The following TACR3 variants were observed in gnomAD, a reference collection of about 807,000 sequenced individuals.
The protein encoded by TACR3 is neuromedin-K receptor.
A neutral mutation model predicts 35.0 loss-of-function variants in TACR3; 34 were observed. That is an observed-to-expected ratio of 0.97 (90% CI 0.74 to 1.30). TACR3 has a LOEUF of 1.30. TACR3 is among the 50% of genes most tolerant of loss of function. The pLI, the probability that TACR3 is intolerant of heterozygous loss-of-function variation, is 0.00. For missense variants in TACR3, 558 were observed against 591.7 expected (o/e 0.94, Z 0.59); for synonymous variants, 233 against 221.1 (o/e 1.05, Z -0.48).
intron 1 of TACR3, among the ~76,000 whole-genome samples, chr4:103,687,841 C>T (rs1722285040): frequency 6.6e-6 from 1 of 152,074 alleles, no homozygotes; most frequent in African/African-American, 2.4e-5. Flanking sequence ...TTTATAGATT[C>T]AATGCCATCC....
intron 1 of TACR3, among the ~76,000 whole-genome samples, chr4:103,658,774 T>C (rs552367314): frequency 7.2e-5 from 11 of 152,302 alleles, no homozygotes; most frequent in South Asian, 2.1e-4. Flanking sequence ...TTTTTTTCCA[T>C]GGACTGGCAG....
intron 3 of TACR3, among the ~76,000 whole-genome samples, chr4:103,615,061 A>T (rs909960978): frequency 5.3e-5 from 8 of 151,246 alleles, no homozygotes; most frequent in Admixed American, 2.6e-4. Flanking sequence ...CGCCTGGCTA[A>T]TTTTTTTGTA....
At chr4:103,688,343 G>A (rs181605346) in intron 1 of TACR3, among the ~76,000 whole-genome samples, 90 of 152,238 alleles carry the variant, frequency 5.9e-4, no homozygotes, top group Non-Finnish European at 9.6e-4. Context: ...CATGGGCAAG[G>A]ACTTCATGTC....
chr4:103,664,873 G>A (rs1280177195), intron 1 of TACR3, among the ~76,000 whole-genome samples: 1 of 152,054 alleles, frequency 6.6e-6, no homozygotes, highest in Non-Finnish European at 1.5e-5. Flanking sequence ...GTGCAGAGGT[G>A]TGATCACAGC....
intron 1 of TACR3, among the ~76,000 whole-genome samples, chr4:103,697,231 T>C (rs1722539922): frequency 6.6e-6 from 1 of 152,170 alleles, no homozygotes; most frequent in Non-Finnish European, 1.5e-5. Flanking sequence ...TGATTGCTCA[T>C]TGATTATGAT....
chr4:103,703,880 C>T (rs1161603280), intron 1 of TACR3, among the ~76,000 whole-genome samples: 2 of 151,712 alleles, frequency 1.3e-5, no homozygotes, highest in Non-Finnish European at 2.9e-5. Context: ...GTGGGCGGAT[C>T]ACGAGGTCAG....
chr4:103,665,983 T>G (rs1216220524), intron 1 of TACR3, among the ~76,000 whole-genome samples: 1 of 152,182 alleles, frequency 6.6e-6, no homozygotes, highest in Non-Finnish European at 1.5e-5. Flanking sequence ...GTTCTTTTTG[T>G]AATGTTCACC....
intron 1 of TACR3, among the ~76,000 whole-genome samples, chr4:103,682,195 AG>A (rs1722115498): frequency 1.3e-5 from 2 of 152,094 alleles, no homozygotes; most frequent in African/African-American, 4.8e-5. Context: ...TGCATTGTGC[AG>A]TCATGGCTTA....
At chr4:103,670,030 A>G (rs75054878) in intron 1 of TACR3, among the ~76,000 whole-genome samples, 4,508 of 152,128 alleles carry the variant, frequency 0.03, 238 homozygotes, top group African/African-American at 0.1. Flanking sequence ...ATTCTTCTCC[A>G]TAATGGATAT....
At chr4:103,643,747 C>T (rs1048143942) in intron 3 of TACR3, among the ~76,000 whole-genome samples, 5 of 151,430 alleles carry the variant, frequency 3.3e-5, no homozygotes, top group Non-Finnish European at 7.4e-5. Context: ...GTGTGTGTGC[C>T]TGTGTGTATG....
At chr4:103,696,456 A>T (rs965932862) in intron 1 of TACR3, among the ~76,000 whole-genome samples, 1 of 152,214 alleles carries the variant, frequency 6.6e-6, no homozygotes, top group Non-Finnish European at 1.5e-5. Context: ...TATCACAAAT[A>T]GTTTGAACAG....
At chr4:103,710,444 G>A (rs1722917730) in intron 1 of TACR3, among the ~76,000 whole-genome samples, 2 of 152,034 alleles carry the variant, frequency 1.3e-5, no homozygotes, top group African/African-American at 2.4e-5. Context: ...AAATAAAGAT[G>A]AGAACAAAGA....
At position 103,712,393 on chromosome 4, in the gene TACR3, A is replaced by C. The variant is rs1177685470; in HGVS notation, c.548+6735T>G. 2.6e-5 allele frequency among the ~76,000 whole-genome samples: 4 copies of C among 152,224 alleles called. No individual in the cohort carries two copies. The South Asian group carries it at 6.2e-4, about 24-fold the overall frequency. ...TGGGGAAAGGATTCCCTATTTAATA[A>C]ATGGTTCTGGGAAAATTGGCTAGCC... On this transcript the variant is annotated intron_variant, in intron 1 of 4. Transcript: ENST00000304883.
chr4:103,690,697 A>G (rs1256736501), intron 1 of TACR3, among the ~76,000 whole-genome samples: 2 of 152,144 alleles, frequency 1.3e-5, no homozygotes, highest in Non-Finnish European at 2.9e-5. Context: ...GGGAATATGG[A>G]ATATTCTCCA....
chr4:103,620,116 A>G (rs181491845), intron 3 of TACR3, among the ~76,000 whole-genome samples: 1 of 152,340 alleles, frequency 6.6e-6, no homozygotes. Context: ...AAAACAAGAC[A>G]TACAAGTGGC....
At chr4:103,607,623 T>G (rs1724411161) in intron 3 of TACR3, among the ~76,000 whole-genome samples, 1 of 152,160 alleles carries the variant, frequency 6.6e-6, no homozygotes, top group African/African-American at 2.4e-5. Flanking sequence ...TTTTGTGTAC[T>G]TAATCTATTG....
At chr4:103,628,246 A>T (rs1724951156) in intron 3 of TACR3, among the ~76,000 whole-genome samples, 1 of 152,242 alleles carries the variant, frequency 6.6e-6, no homozygotes, top group Non-Finnish European at 1.5e-5. Flanking sequence ...CCAGAGAAGC[A>T]AGAGCAAACA....
Position 103,587,075 on chromosome 4 carries a change from T to C in TACR3, c.*2607A>G, listed in dbSNP as rs1408477977. On this transcript the variant is annotated 3_prime_UTR_variant, in exon 5 of 5. Transcript: ENST00000304883. ...CAATGGAAAGATTCATACTGAACTT[T>C]AGAAACAGAGGGTAGAGTAAATTTT... The C allele has an allele frequency of 6.6e-6, 1 of 152,046 alleles. No homozygotes were observed. The highest frequency in any genetic ancestry group is 2.4e-5 in the African/African-American group (1 of 41,392). 9.4% of individuals were successfully genotyped at this position (152,046 alleles called of 1,614,324 possible).
chr4:103,709,926 T>C (rs1722902294), intron 1 of TACR3, among the ~76,000 whole-genome samples: 1 of 152,070 alleles, frequency 6.6e-6, no homozygotes, highest in Non-Finnish European at 1.5e-5. Context: ...CATTACATAA[T>C]GGTAAAGGGA....
Sources: allele counts gnomAD v4.1 joint callset (sites outside exome capture counted in the v4.1 genomes callset), GRCh38; gene constraint gnomAD v4.1.1; transcripts MANE v1.5; gene names NCBI Gene and HGNC (gene_info 2026-07-23, HGNC 2026-07-21).